The following CDC73 variants were observed in gnomAD, a reference collection of about 807,000 sequenced individuals.
CDC73 encodes parafibromin.
CDC73 carries 21 observed loss-of-function variants against 83.7 expected under a neutral mutation model. That is an observed-to-expected ratio of 0.25 (90% confidence interval 0.18 to 0.36). The LOEUF is 0.36. Among genes scored for constraint, CDC73 ranks in the 10% least tolerant of loss-of-function variants. The probability of loss-of-function intolerance (pLI) is 1.00; values close to 1 mark genes in which losing one functional copy is unlikely to be tolerated. For missense variants in CDC73, 342 were observed against 653.3 expected (o/e 0.52, Z 5.19); for synonymous variants, 224 against 212.9 (o/e 1.05, Z -0.45).
At chr1:193,153,058 G>A (rs112749784) in intron 10 of CDC73, among the ~76,000 whole-genome samples, 16 of 152,168 alleles carry the variant, frequency 1.1e-4, no homozygotes, top group African/African-American at 3.6e-4. Flanking sequence ...GTGAGCCACC[G>A]TGCCCAGCCT....
intron 13 of CDC73, among the ~76,000 whole-genome samples, chr1:193,223,702 A>G (rs529158311): frequency 7.6e-4 from 116 of 152,216 alleles, no homozygotes; most frequent in Non-Finnish European, 1.4e-3. Flanking sequence ...ATATAGTGAA[A>G]AACCAGGCTT....
chr1:193,135,329 T>C, intron 3 of CDC73, 62 bp from the exon 4 acceptor site: 5 of 1,323,368 alleles, frequency 3.8e-6, no homozygotes, highest in Non-Finnish European at 5.5e-6. Flanking sequence ...ATTTCACTTG[T>C]AATAATATCC....
rs762203137 is a variant in CDC73, at chr1:193,212,476, A to C, written c.1153A>C (p.Lys385Gln). 3 of 1,542,106 alleles carry C rather than the reference A, an allele frequency of 1.9e-6. No homozygotes were observed. In the African/African-American group the frequency reaches 4.1e-5, roughly 21 times the overall value. The change falls in exon 13 of 17, where the codon AAA becomes CAA. Residue 385 changes from lysine to glutamine, a missense_variant and splice_region_variant. Around this residue, in one of 3 missense-constraint regions of CDC73, gnomAD observed 239 missense variants for 420.6 expected, o/e 0.57. Transcript: ENST00000367435. ...LNAKDLLQDL[K>Q]FVPSDEKKKQ... ...TGCAAAAGACCTTCTACAGGACCTG[A>C]AGTAAGTAATTTATTAAACTATCCT...
intron 15 of CDC73, among the ~76,000 whole-genome samples, chr1:193,246,345 C>A (rs1207737480): frequency 1.3e-5 from 2 of 152,064 alleles, no homozygotes; most frequent in Non-Finnish European, 2.9e-5. Context: ...ACAGTTTTCC[C>A]TGCATCATTT....
At chr1:193,229,416 CCT>C (rs1171941491) in intron 13 of CDC73, among the ~76,000 whole-genome samples, 2 of 152,200 alleles carry the variant, frequency 1.3e-5, no homozygotes, top group African/African-American at 4.8e-5. Context: ...AGGGCTCTGC[CCT>C]CACAAATAGG....
At chr1:193,132,415 C>T (rs1336310940) in intron 3 of CDC73, among the ~76,000 whole-genome samples, 4 of 152,076 alleles carry the variant, frequency 2.6e-5, no homozygotes, top group African/African-American at 9.7e-5. Flanking sequence ...AGTTTAGAAC[C>T]CAGCAGTATT....
At chr1:193,216,673 G>A (rs892579500) in intron 13 of CDC73, among the ~76,000 whole-genome samples, 2 of 151,726 alleles carry the variant, frequency 1.3e-5, no homozygotes, top group African/African-American at 4.8e-5. Flanking sequence ...CAGTATCCCT[G>A]ATGAGCACAG....
In CDC73 at chr1:193,249,930, T is replaced by G. The variant is rs1346652736; in HGVS notation, c.1559+59T>G. ...TTTATTGTAATTTTTCTGTCTCAGT[T>G]AAATTTTAAGTTCCATAGAGTTGTC... On this transcript the variant is annotated intron_variant, in intron 16 of 16. Transcript: ENST00000367435. 5.8e-6 allele frequency: 9 copies of G among 1,547,806 alleles called. No homozygotes were observed. The Admixed American group carries it at 1.5e-4, about 26-fold the overall frequency.
intron 10 of CDC73, among the ~76,000 whole-genome samples, chr1:193,157,158 A>G (rs1676221152): frequency 6.6e-6 from 1 of 152,208 alleles, no homozygotes; most frequent in African/African-American, 2.4e-5. Context: ...AAGCAGTAGT[A>G]AAAGCCCTGT....
chr1:193,177,528 TAAAA>T (rs556503372), intron 10 of CDC73, among the ~76,000 whole-genome samples: 139 of 104,428 alleles, frequency 1.3e-3, no homozygotes, highest in Non-Finnish European at 2.4e-3. Flanking sequence ...AGACTCTGTC[TAAAA>T]AAAAAAAAAA....
At position 193,253,912 on chromosome 1, in the gene CDC73, T is replaced by C. The variant is rs888445576; in HGVS notation, c.*3200T>C. ...GACTGCTAACAAAAATTAAAGTGAT[T>C]ACATTGTTCTTTTTTGGAGGGGTGG... is the stretch of plus-strand genomic sequence containing the variant. On this transcript the variant is annotated 3_prime_UTR_variant, in exon 17 of 17. Coordinates refer to ENST00000367435, the MANE Select transcript of CDC73 (RefSeq NM_024529.5). 1 of 223,782 alleles carries C rather than the reference T, an allele frequency of 4.5e-6. No homozygotes were observed. Among genetic ancestry groups the C allele is most frequent in the Non-Finnish European group, 8.9e-6 (1 of 112,224 alleles). The allele number at this position is 223,782 out of a possible 1,614,324, so 13.9% of individuals were successfully genotyped here.
At chr1:193,187,840 A>G (rs1423384819) in intron 10 of CDC73, among the ~76,000 whole-genome samples, 2 of 152,170 alleles carry the variant, frequency 1.3e-5, no homozygotes, top group East Asian at 1.9e-4. Flanking sequence ...AAGAAAAAAA[A>G]GAATTTTATA....
intron 14 of CDC73, among the ~76,000 whole-genome samples, chr1:193,235,565 A>G (rs1677743144): frequency 6.6e-6 from 1 of 152,218 alleles, no homozygotes; most frequent in Admixed American, 6.5e-5. Flanking sequence ...CAATTCAATT[A>G]AGTATTTTAT....
intron 13 of CDC73, among the ~76,000 whole-genome samples, chr1:193,221,074 G>A (rs1677461913): frequency 6.6e-6 from 1 of 152,124 alleles, no homozygotes; most frequent in Admixed American, 6.5e-5. Flanking sequence ...TCAGAGACAA[G>A]GGCTTGTTAT....
chr1:193,134,051 A>G (rs1351197605), intron 3 of CDC73, among the ~76,000 whole-genome samples: 1 of 152,182 alleles, frequency 6.6e-6, no homozygotes, highest in Non-Finnish European at 1.5e-5. Flanking sequence ...AAGAATTGGC[A>G]GCAGTCTAAC....
At chr1:193,236,427 A>G (rs1010876967) in intron 15 of CDC73, 71 bp downstream of exon 15, 22 of 982,284 alleles carry the variant, frequency 2.2e-5, no homozygotes, top group Admixed American at 1.7e-4. Flanking sequence ...AAACAGTCAT[A>G]TAGTTCTGCG....
rs575122971 is a variant in CDC73 at position 193,134,277 on chromosome 1, G to A, written c.308-1114G>A. Among the ~76,000 whole-genome samples, 13 of 152,048 alleles carry A rather than the reference G, an allele frequency of 8.5e-5. 1 individual carries two copies. Among genetic ancestry groups the A allele is most frequent in the Middle Eastern group, 3.4e-3 (1 of 294 alleles). On this transcript the variant is annotated intron_variant, in intron 3 of 16. Coordinates refer to ENST00000367435, the MANE Select transcript of CDC73 (RefSeq NM_024529.5). ...TTAATATATTATTGTGCCATTGTTC[G>A]TAACAACAGAAGACTAAAATTGAAC...
intron 13 of CDC73, among the ~76,000 whole-genome samples, chr1:193,231,149 A>G (rs1316139697): frequency 3.9e-5 from 6 of 152,204 alleles, no homozygotes; most frequent in African/African-American, 9.6e-5. Flanking sequence ...CATTCTAGTC[A>G]TATGATTATA....
chr1:193,168,440 A>G (rs1676468314), intron 10 of CDC73, among the ~76,000 whole-genome samples: 2 of 152,034 alleles, frequency 1.3e-5, no homozygotes, highest in Non-Finnish European at 2.9e-5. Context: ...ATATAATTGC[A>G]TTTTTTGTGA....
Sources: gnomAD v4.1 joint callset for allele counts (sites outside exome capture counted in the v4.1 genomes callset) on GRCh38, gnomAD v4.1.1 for gene constraint, gnomAD v4.1.1 regional missense constraint, MANE v1.5 for transcripts, NCBI Gene and HGNC (gene_info 2026-07-23, HGNC 2026-07-21) for gene names.